The following TRIP12 variants were observed in gnomAD, a reference collection of about 807,000 sequenced individuals.
The protein encoded by TRIP12 is E3 ubiquitin-protein ligase TRIP12.
In TRIP12, 25 loss-of-function variants were observed where a neutral mutation model predicts 244.2. The observed-to-expected ratio is 0.10, with a 90% CI of 0.07 to 0.14. The LOEUF (loss-of-function observed/expected upper bound fraction) is 0.14. Among genes scored for constraint, TRIP12 ranks in the 10% least tolerant of loss-of-function variants. TRIP12 has a pLI of 1.00. For missense variants in TRIP12, 1,677 were observed against 2,486.4 expected (o/e 0.67, Z 6.92); for synonymous variants, 905 against 873.1 (o/e 1.04, Z -0.64).
At chr2:229,911,675 C>T (rs993710586) in intron 1 of TRIP12, among the ~76,000 whole-genome samples, 1 of 152,080 alleles carries the variant, frequency 6.6e-6, no homozygotes, top group Non-Finnish European at 1.5e-5. Flanking sequence ...TGTATTGACA[C>T]ATTACTAAGT....
At chr2:229,884,833 G>C (rs1472017679) in intron 1 of TRIP12, among the ~76,000 whole-genome samples, 1 of 152,092 alleles carries the variant, frequency 6.6e-6, no homozygotes, top group African/African-American at 2.4e-5. Flanking sequence ...TAGCCAGGCA[G>C]GACGGTGCAC....
chr2:229,872,050 C>T (rs1018012199), intron 2 of TRIP12, among the ~76,000 whole-genome samples: 14 of 127,536 alleles, frequency 1.1e-4, no homozygotes, highest in African/African-American at 3.0e-4. Flanking sequence ...ATCTACATAA[C>T]GGAAAATTAT....
At chr2:229,810,804 C>T (rs531434863) in intron 15 of TRIP12, 76 bp downstream of exon 15, 83 of 1,433,592 alleles carry the variant, frequency 5.8e-5, no homozygotes, top group Admixed American at 3.1e-4. Context: ...TCCATTTGCT[C>T]GGCTTATGTT....
Position 229,919,409 on chromosome 2 carries a change from T to C in TRIP12, c.-50+2471A>G, listed in dbSNP as rs139163704. 1.5e-3 allele frequency among the ~76,000 whole-genome samples: 213 copies of C among 141,542 alleles called. 4 individuals are homozygous for C. In the East Asian group the frequency reaches 0.038, roughly 25 times the overall value. 92.9% of individuals were successfully genotyped at this position (141,542 alleles called of 152,430 possible). ...CAGCCTAGGCGACAGAGCAAGATTC[T>C]GCTTTAAAAAAAAAAAAAGTTACAA... is the stretch of plus-strand genomic sequence containing the variant. On this transcript the variant is annotated intron_variant, in intron 1 of 41. Transcript: ENST00000675903.
chr2:229,909,936 G>A (rs1195946524), intron 1 of TRIP12, among the ~76,000 whole-genome samples: 1 of 152,222 alleles, frequency 6.6e-6, no homozygotes, highest in East Asian at 1.9e-4. Context: ...TAACTGCACT[G>A]ACATGCCTTA....
chr2:229,886,580 C>T (rs2066074443), intron 1 of TRIP12, among the ~76,000 whole-genome samples: 1 of 151,924 alleles, frequency 6.6e-6, no homozygotes, highest in East Asian at 1.9e-4. Context: ...TTCTGCCTCA[C>T]CTCAGCCTCC....
intron 2 of TRIP12, among the ~76,000 whole-genome samples, chr2:229,864,045 A>T (rs4973233): frequency 0.079 from 5,229 of 66,306 alleles, 145 homozygotes; most frequent in African/African-American, 0.17. Flanking sequence ...AGAGAGAGAG[A>T]GAGTGTGTGT....
intron 1 of TRIP12, among the ~76,000 whole-genome samples, chr2:229,884,673 T>G (rs1416581686): frequency 6.6e-6 from 1 of 152,132 alleles, no homozygotes; most frequent in Non-Finnish European, 1.5e-5. Flanking sequence ...AGAAATCACC[T>G]GCAAAAAAAT....
chr2:229,865,989 C>G (rs1448275894), intron 2 of TRIP12, among the ~76,000 whole-genome samples: 1 of 152,148 alleles, frequency 6.6e-6, no homozygotes, highest in Non-Finnish European at 1.5e-5. Context: ...ATTCTGGAAA[C>G]ATACACTGGG....
chr2:229,768,486 A>G lies in TRIP12; in HGVS notation c.6007+130T>C, dbSNP rs1426743418. 9.1e-6 allele frequency: 7 copies of G among 772,882 alleles called. No individual in the cohort carries two copies. The Admixed American group carries it at 1.8e-4, about 19-fold the overall frequency. The allele number at this position is 772,882 out of a possible 1,614,324, so 47.9% of individuals were successfully genotyped here. A position where few individuals can be genotyped will look rare whatever the true frequency, so the allele number is the denominator to read the frequency against. On this transcript the variant is annotated intron_variant, in intron 41 of 41. Coordinates refer to ENST00000675903, the MANE Select transcript of TRIP12 (RefSeq NM_001348323.3). Reference sequence around the variant, plus strand: ...TCCCTGCTAGTGGTCTCAATGTACTATAATGATACTGGAATAACTAAGAGG... The same window carrying G: ...TCCCTGCTAGTGGTCTCAATGTACTGTAATGATACTGGAATAACTAAGAGG...
intron 4 of TRIP12, among the ~76,000 whole-genome samples, chr2:229,858,503 G>A (rs1293512919): frequency 2.0e-5 from 3 of 152,192 alleles, no homozygotes; most frequent in Non-Finnish European, 4.4e-5. Flanking sequence ...CAGTGAAGTA[G>A]GAGATGCCGC....
intron 1 of TRIP12, among the ~76,000 whole-genome samples, chr2:229,898,925 A>G (rs2069752499): frequency 6.6e-6 from 1 of 152,066 alleles, no homozygotes. Context: ...CTGGTCTTAA[A>G]CTCCTGGCTT....
At chr2:229,815,360 A>C in intron 9 of TRIP12, 52 bp from the exon 10 acceptor site, 1 of 1,097,636 alleles carries the variant, frequency 9.1e-7, no homozygotes, top group Non-Finnish European at 1.3e-6. Context: ...GGAAAATCCT[A>C]GAGGTATTTC....
chr2:229,834,047 G>A (rs2054131040), intron 6 of TRIP12, among the ~76,000 whole-genome samples: 1 of 152,190 alleles, frequency 6.6e-6, no homozygotes, highest in South Asian at 2.1e-4. Context: ...TGTTCCCAGA[G>A]TCAAATATAA....
intron 1 of TRIP12, among the ~76,000 whole-genome samples, chr2:229,919,797 G>C (rs2076159048): frequency 6.6e-6 from 1 of 152,082 alleles, no homozygotes; most frequent in African/African-American, 2.4e-5. Flanking sequence ...AGGCAGACAT[G>C]TACAAAGCCC....
intron 39 of TRIP12, 84 bp from the exon 40 acceptor site, chr2:229,769,409 A>G: frequency 8.0e-7 from 1 of 1,243,652 alleles, no homozygotes; most frequent in Non-Finnish European, 1.2e-6. Context: ...GTGTACCATA[A>G]AAGAGTATCA....
chr2:229,908,484 C>G (rs1157388351), intron 1 of TRIP12, among the ~76,000 whole-genome samples: 1 of 152,222 alleles, frequency 6.6e-6, no homozygotes, highest in Non-Finnish European at 1.5e-5. Context: ...GTGGCTCACA[C>G]TTGTAATCCC....
intron 15 of TRIP12, among the ~76,000 whole-genome samples, chr2:229,809,857 T>C (rs568387617): frequency 4.7e-4 from 72 of 152,296 alleles, no homozygotes; most frequent in Non-Finnish European, 9.7e-4. Flanking sequence ...AATATAAAAC[T>C]GAGTTCCCCT....
intron 25 of TRIP12, among the ~76,000 whole-genome samples, chr2:229,795,584 C>T (rs2042602630): frequency 6.6e-6 from 1 of 152,144 alleles, no homozygotes; most frequent in African/African-American, 2.4e-5. Flanking sequence ...CACTTGGTGG[C>T]AAAATCTGAT....
Sources: gnomAD v4.1 joint callset for allele counts (sites outside exome capture counted in the v4.1 genomes callset) on GRCh38, gnomAD v4.1.1 for gene constraint, MANE v1.5 for transcripts, NCBI Gene and HGNC (gene_info 2026-07-23, HGNC 2026-07-21) for gene names.